Variants in RALGPS2 observed in about 807,000 individuals in gnomAD.
RALGPS2 encodes the protein ras-specific guanine nucleotide-releasing factor RalGPS2.
In RALGPS2, 43 loss-of-function variants were observed where a neutral mutation model predicts 86.8. That is an observed-to-expected ratio of 0.50 (90% CI 0.39 to 0.64). The LOEUF (loss-of-function observed/expected upper bound fraction) is 0.64, where lower values mean the gene tolerates loss of function less well. Among genes scored for constraint, RALGPS2 ranks in the 30% least tolerant of loss-of-function variants. The pLI is 0.00. For synonymous variants in RALGPS2, 243 were observed against 231.3 expected, an observed-to-expected ratio of 1.05 and a Z score of -0.46; for missense variants, 536 against 694.6, an observed-to-expected ratio of 0.77 and a Z score of 2.57.
chr1:178,768,153 C>T (rs370336325), intron 1 of RALGPS2, among the ~76,000 whole-genome samples: 1 of 152,032 alleles, frequency 6.6e-6, no homozygotes, highest in Non-Finnish European at 1.5e-5. Flanking sequence ...TCCTTTTTGT[C>T]GGTGCTTTGA....
At chr1:178,893,791 A>C (rs1393650342) in intron 15 of RALGPS2, 128 bp from the exon 16 acceptor site, 13 of 601,960 alleles carry the variant, frequency 2.2e-5, no homozygotes. Flanking sequence ...TAGAATTGTC[A>C]GTGTCTTCTC....
At chr1:178,728,477 G>A (rs1650156228) in intron 1 of RALGPS2, among the ~76,000 whole-genome samples, 1 of 141,294 alleles carries the variant, frequency 7.1e-6, no homozygotes, top group South Asian at 2.3e-4. Context: ...TACACAGTTT[G>A]AGAATAAGAT....
At chr1:178,857,506 T>C (rs937570812) in intron 8 of RALGPS2, among the ~76,000 whole-genome samples, 3 of 152,200 alleles carry the variant, frequency 2.0e-5, no homozygotes, top group African/African-American at 7.2e-5. Flanking sequence ...GATGGAGTTA[T>C]GTAGCGCACA....
At chr1:178,782,572 A>G (rs1388292530) in intron 2 of RALGPS2, among the ~76,000 whole-genome samples, 2 of 152,024 alleles carry the variant, frequency 1.3e-5, no homozygotes, top group Non-Finnish European at 2.9e-5. Flanking sequence ...GCATTTGTGA[A>G]GGTCATAGCC....
chr1:178,770,692 G>A (rs531457000), intron 1 of RALGPS2, among the ~76,000 whole-genome samples: 20 of 151,760 alleles, frequency 1.3e-4, no homozygotes, highest in Admixed American at 9.2e-4. Context: ...GGCCAGGCTG[G>A]TCTCGAACTC....
intron 1 of RALGPS2, among the ~76,000 whole-genome samples, chr1:178,772,969 T>A (rs893586202): frequency 2.0e-5 from 3 of 152,018 alleles, no homozygotes; most frequent in Non-Finnish European, 4.4e-5. Context: ...ACCCAGGTAA[T>A]TTTTTGTGTT....
At chr1:178,739,154 T>C (rs1650882532) in intron 1 of RALGPS2, among the ~76,000 whole-genome samples, 1 of 152,218 alleles carries the variant, frequency 6.6e-6, no homozygotes, top group Non-Finnish European at 1.5e-5. Context: ...AGATCCTATC[T>C]CTTAAAGCTA....
chr1:178,808,217 G>C (rs1240052089), intron 5 of RALGPS2, 89 bp downstream of exon 5: 1 of 913,506 alleles, frequency 1.1e-6, no homozygotes, highest in African/African-American at 1.7e-5. Flanking sequence ...TTTTACATCA[G>C]TTCTGGAATA....
chr1:178,780,907 A>G (rs1403716589), intron 2 of RALGPS2, among the ~76,000 whole-genome samples: 2 of 152,092 alleles, frequency 1.3e-5, no homozygotes, highest in Non-Finnish European at 2.9e-5. Context: ...CCGTAAATGT[A>G]TGCATAGCTT....
chr1:178,914,555 G>A (rs1660741016), intron 19 of RALGPS2, among the ~76,000 whole-genome samples: 1 of 151,914 alleles, frequency 6.6e-6, no homozygotes, highest in Admixed American at 6.6e-5. Flanking sequence ...TTCTCTCAGT[G>A]CATCCTCTCA....
At chr1:178,785,905 T>C (rs751548118) in intron 4 of RALGPS2, among the ~76,000 whole-genome samples, 18 of 152,054 alleles carry the variant, frequency 1.2e-4, no homozygotes, top group Admixed American at 6.6e-5. Context: ...TAACTTCAAA[T>C]AGCCTGATGT....
intron 7 of RALGPS2, among the ~76,000 whole-genome samples, chr1:178,831,603 A>G (rs1656019743): frequency 6.6e-6 from 1 of 151,720 alleles, no homozygotes; most frequent in South Asian, 2.1e-4. Context: ...GAAGTAGAAC[A>G]CTGTGAAGTA....
chr1:178,811,605 AT>A (rs2102202674), intron 6 of RALGPS2, among the ~76,000 whole-genome samples: 1 of 152,074 alleles, frequency 6.6e-6, no homozygotes, highest in Non-Finnish European at 1.5e-5. Flanking sequence ...TTTCTTTTAT[AT>A]TCTTCCTCCC....
chr1:178,802,181 T>A (rs1309822207), intron 4 of RALGPS2, among the ~76,000 whole-genome samples: 1 of 151,478 alleles, frequency 6.6e-6, no homozygotes, highest in East Asian at 1.9e-4. Flanking sequence ...ACATAGTTTG[T>A]ATGTTATATA....
intron 8 of RALGPS2, chr1:178,852,954 C>A (rs372163774): frequency 6.2e-7 from 1 of 1,605,808 alleles, no homozygotes; most frequent in Non-Finnish European, 8.5e-7. Context: ...CAAACCCTTT[C>A]TGTTAATAAG....
chr1:178,915,994 C>A (rs1473863645), intron 19 of RALGPS2, among the ~76,000 whole-genome samples: 1 of 152,148 alleles, frequency 6.6e-6, no homozygotes, highest in African/African-American at 2.4e-5. Context: ...TCTGGAATCT[C>A]ACCCTACCAG....
intron 1 of RALGPS2, among the ~76,000 whole-genome samples, chr1:178,745,822 CTTTTTTTTTT>C (rs34277622): frequency 4.6e-5 from 4 of 86,052 alleles, no homozygotes; most frequent in African/African-American, 1.2e-4. Flanking sequence ...TTCAATTCTT[CTTTTTTTTTT>C]TTTTTTTTTT....
Position 178,885,109 on chromosome 1 carries a change from G to T in RALGPS2, c.938G>T (p.Arg313Leu). The change falls in exon 12 of 20, where the codon CGA becomes CTA. Residue 313 changes from arginine to leucine, a missense_variant. Physicochemically the swap from Arg to Leu is moderately radical, Grantham distance 102. Around this residue, in one of 3 missense-constraint regions of RALGPS2, gnomAD observed 309 missense variants for 363.0 expected, o/e 0.85. Coordinates refer to ENST00000367635, the MANE Select transcript of RALGPS2 (RefSeq NM_152663.5). ...PEVGASPQSG[R>L]KSVAAEGALL... ...GTAGGAGCGTCTCCACAGAGTGGACGAAAAAGTGTGGCAGCTGAAGGAGCC... is the reference window on the plus strand; with the variant it reads ...GTAGGAGCGTCTCCACAGAGTGGACTAAAAAGTGTGGCAGCTGAAGGAGCC... The T allele has an allele frequency of 6.2e-7, 1 of 1,610,726 alleles. No homozygotes were observed. The highest frequency in any genetic ancestry group is 1.7e-4 in the Middle Eastern group (1 of 6,046).
chr1:178,789,909 A>T (rs1014268450), intron 4 of RALGPS2, among the ~76,000 whole-genome samples: 1 of 152,164 alleles, frequency 6.6e-6, no homozygotes, highest in Non-Finnish European at 1.5e-5. Flanking sequence ...TTAAAAATTG[A>T]CAACAGTAAC....
Sources: allele counts gnomAD v4.1 joint callset (sites outside exome capture counted in the v4.1 genomes callset), GRCh38; gene constraint gnomAD v4.1.1; regional missense constraint gnomAD v4.1.1; transcripts MANE v1.5; gene names NCBI Gene and HGNC (gene_info 2026-07-23, HGNC 2026-07-21).